Variants in HNRNPD observed in about 807,000 individuals in gnomAD.
The protein encoded by HNRNPD is heterogeneous nuclear ribonucleoprotein D0.
In HNRNPD, 3 loss-of-function variants were observed where a neutral mutation model predicts 47.9. The ratio of observed to expected loss-of-function variants is 0.06; its 90% CI spans 0.03 to 0.16. HNRNPD has a LOEUF of 0.16. Among genes scored for constraint, HNRNPD ranks in the 10% least tolerant of loss-of-function variants. The pLI is 1.00. For synonymous variants in HNRNPD, 171 were observed against 165.1 expected, an observed-to-expected ratio of 1.04 and a Z score of -0.28; for missense variants, 287 against 454.2, an observed-to-expected ratio of 0.63 and a Z score of 3.35.
At chr4:82,361,567 TTC>T (rs896197561) in intron 2 of HNRNPD, among the ~76,000 whole-genome samples, 6 of 152,326 alleles carry the variant, frequency 3.9e-5, no homozygotes, top group East Asian at 1.9e-4. Context: ...GGCAAGAAAA[TTC>T]TCTGTCTGGT....
In HNRNPD at chr4:82,357,020, AGTTT is replaced by A. The variant is rs1281005718; in HGVS notation, c.754-129_754-126del. 56 of 852,904 alleles carry A rather than the reference AGTTT, an allele frequency of 6.6e-5. 1 individual carries two copies. The highest frequency in any genetic ancestry group is 5.2e-4 in the South Asian group (34 of 65,760). 52.8% of individuals were successfully genotyped at this position (852,904 alleles called of 1,614,324 possible). ...GGCTAATTTGAAACTTTCCTCAGTCAGTTTATTAATTAAACCAATATTTAGTACT... is the reference window on the plus strand; with the variant it reads ...GGCTAATTTGAAACTTTCCTCAGTCAATTAATTAAACCAATATTTAGTACT... On this transcript the variant is annotated intron_variant, in intron 5 of 8. Coordinates refer to ENST00000313899, the MANE Select transcript of HNRNPD (RefSeq NM_031370.3).
rs1227691898 is a variant in HNRNPD at position 82,352,916 on chromosome 4, T to C, written c.*1269A>G. On this transcript the variant is annotated 3_prime_UTR_variant, in exon 9 of 9. Coordinates refer to ENST00000313899, the MANE Select transcript of HNRNPD (RefSeq NM_031370.3). The stretch of plus-strand genomic sequence containing the variant: ...AAGGTATTCCATCACTTCACTACTA[T>C]AGAACTGTATAATAATACATTTCTC... 1 of 152,218 alleles carries C rather than the reference T, an allele frequency of 6.6e-6. No homozygotes were observed. Among genetic ancestry groups the C allele is most frequent in the Non-Finnish European group, 1.5e-5 (1 of 68,026 alleles). 9.4% of individuals were successfully genotyped at this position (152,218 alleles called of 1,614,324 possible). A position where few individuals can be genotyped will look rare whatever the true frequency, so the allele number is the denominator to read the frequency against.
At chr4:82,357,608 T>C in intron 4 of HNRNPD, 164 bp from the exon 5 acceptor site, 3 of 555,338 alleles carry the variant, frequency 5.4e-6, no homozygotes, top group Non-Finnish European at 9.0e-6. Flanking sequence ...AAGGAATTCT[T>C]CAAATTAGAA....
chr4:82,362,015 C>T (rs1719471674), intron 2 of HNRNPD, among the ~76,000 whole-genome samples: 2 of 152,116 alleles, frequency 1.3e-5, no homozygotes, highest in Non-Finnish European at 2.9e-5. Context: ...CTTAAAGCAC[C>T]GCCTGCCCTC....
intron 7 of HNRNPD, chr4:82,356,047 C>T (rs1049785886): frequency 6.5e-6 from 1 of 153,474 alleles, no homozygotes; most frequent in African/African-American, 2.4e-5. Context: ...CTTAGTTGCA[C>T]AATGAAGTCA....
intron 2 of HNRNPD, among the ~76,000 whole-genome samples, chr4:82,361,725 G>A (rs374245294): frequency 1.6e-4 from 25 of 152,312 alleles, no homozygotes; most frequent in African/African-American, 6.0e-4. Context: ...AATGAGGTAT[G>A]TGGTATTATT....
At chr4:82,356,371 T>C (rs1723713551) in intron 7 of HNRNPD, 166 bp downstream of exon 7, 6 of 596,598 alleles carry the variant, frequency 1.0e-5, no homozygotes, top group East Asian at 2.8e-5. Context: ...GTGTGTGATA[T>C]AGGCTGGGAG....
chr4:82,358,585 C>T, intron 4 of HNRNPD, 74 bp downstream of exon 4: 3 of 1,356,964 alleles, frequency 2.2e-6, no homozygotes, highest in Non-Finnish European at 3.1e-6. Context: ...AGCCAAGTGA[C>T]TCTGAGTCCA....
At chr4:82,364,954 A>AT (rs1560437355) in intron 2 of HNRNPD, among the ~76,000 whole-genome samples, 1 of 152,208 alleles carries the variant, frequency 6.6e-6, no homozygotes, top group Admixed American at 6.5e-5. Flanking sequence ...ACCTCCCCTA[A>AT]TAAGTCTTTA....
intron 5 of HNRNPD, 140 bp downstream of exon 5, chr4:82,357,173 C>T: frequency 2.2e-6 from 2 of 925,378 alleles, no homozygotes; most frequent in East Asian, 2.6e-5. Flanking sequence ...CTGCTCCCCA[C>T]AAAAAGTTGG....
Position 82,367,379 on chromosome 4 carries a change from G to A in HNRNPD, c.290+4149C>T, listed in dbSNP as rs1578054998. ...CATATTCACAATTCTATAAAACTGTGTACTGGAAATCAATTTAGGTATCAA... is the reference window on the plus strand; with the variant it reads ...CATATTCACAATTCTATAAAACTGTATACTGGAAATCAATTTAGGTATCAA... On this transcript the variant is annotated intron_variant, in intron 2 of 8. Coordinates refer to ENST00000313899, the MANE Select transcript of HNRNPD (RefSeq NM_031370.3). 2.0e-5 allele frequency among the ~76,000 whole-genome samples: 3 copies of A among 152,080 alleles called. No homozygotes were observed. The East Asian group carries it at 5.8e-4, about 29-fold the overall frequency.
chr4:82,358,860 TAACTG>T, intron 3 of HNRNPD, 40 bp from the exon 4 acceptor site: 2 of 1,398,440 alleles, frequency 1.4e-6, no homozygotes, highest in Non-Finnish European at 2.0e-6. Context: ...ATATATATCT[TAACTG>T]AAGTTCAGAG....
chr4:82,372,767 C>G (rs1048670318), intron 1 of HNRNPD, among the ~76,000 whole-genome samples: 1 of 152,178 alleles, frequency 6.6e-6, no homozygotes, highest in Non-Finnish European at 1.5e-5. Flanking sequence ...ACAAGAAACT[C>G]GGAGCATTTC....
chr4:82,359,783 G>A (rs1723883154), intron 2 of HNRNPD, 144 bp from the exon 3 acceptor site: 1 of 473,728 alleles, frequency 2.1e-6, no homozygotes, highest in Non-Finnish European at 3.7e-6. Flanking sequence ...CCACACATCA[G>A]GAACATCCTA....
intron 2 of HNRNPD, among the ~76,000 whole-genome samples, chr4:82,363,795 T>A (rs971556634): frequency 6.6e-6 from 1 of 152,214 alleles, no homozygotes; most frequent in Non-Finnish European, 1.5e-5. Context: ...TGCTTTCACA[T>A]TGGCTTCCAC....
intron 2 of HNRNPD, among the ~76,000 whole-genome samples, chr4:82,364,207 G>A (rs1046275341): frequency 6.6e-6 from 1 of 152,056 alleles, no homozygotes; most frequent in Non-Finnish European, 1.5e-5. Flanking sequence ...CTGGGCTCAA[G>A]CTGCCCACCT....
Position 82,373,813 on chromosome 4 carries a change from C to T in HNRNPD, c.-135G>A, listed in dbSNP as rs1720281044. 3.3e-6 allele frequency: 5 copies of T among 1,493,712 alleles called. No individual in the cohort carries two copies. The highest frequency in any genetic ancestry group is 4.4e-6 in the Non-Finnish European group (5 of 1,124,246). The allele number at this position is 1,493,712 out of a possible 1,614,324, so 92.5% of individuals were successfully genotyped here. A position where few individuals can be genotyped will look rare whatever the true frequency, so the allele number is the denominator to read the frequency against. On this transcript the variant is annotated 5_prime_UTR_variant, in exon 1 of 9. Coordinates refer to ENST00000313899, the MANE Select transcript of HNRNPD (RefSeq NM_031370.3). Reference sequence around the variant, plus strand: ...AAGCACACAAGACAGGGAAGGCGCGCGCGTGGCTGCAAAGGCTCCTGCGCC... The same window carrying T: ...AAGCACACAAGACAGGGAAGGCGCGTGCGTGGCTGCAAAGGCTCCTGCGCC...
chr4:82,373,577 T>G lies in HNRNPD; in HGVS notation c.102A>C (p.Thr34=). 1 of 1,536,610 alleles carries G rather than the reference T, an allele frequency of 6.5e-7. No homozygotes were observed. Among genetic ancestry groups the G allele is most frequent in the Non-Finnish European group, 8.7e-7 (1 of 1,143,540 alleles). ...GEQEGAMVAA[T]QGAAAAAGSG... is the part of the protein sequence containing the mutation. ...TTCCCGCCGCCGCCGCTGCCCCCTG[T>G]GTCGCCGCCACCATGGCTCCCTCCT... Residue 34 remains threonine (T), a synonymous_variant, in exon 1 of 9, where the codon ACA becomes ACC. Transcript: ENST00000313899.
At chr4:82,358,939 A>G in intron 3 of HNRNPD, 119 bp from the exon 4 acceptor site, 1 of 735,702 alleles carries the variant, frequency 1.4e-6, no homozygotes, top group East Asian at 2.7e-5. Flanking sequence ...TGACTTGCTC[A>G]AGATTAAACT....
Sources: gnomAD v4.1 joint callset for allele counts (sites outside exome capture counted in the v4.1 genomes callset) on GRCh38, gnomAD v4.1.1 for gene constraint, MANE v1.5 for transcripts, NCBI Gene and HGNC (gene_info 2026-07-23, HGNC 2026-07-21) for gene names.